PTPRN2: variants seen among roughly 807,000 people sequenced by gnomAD.
The protein encoded by PTPRN2 is protein tyrosine phosphatase receptor type N2, also known as receptor-type tyrosine-protein phosphatase N2.
PTPRN2 carries 74 observed loss-of-function variants against 118.8 expected under a neutral mutation model. The ratio of observed to expected loss-of-function variants is 0.62; its 90% CI spans 0.52 to 0.76. The LOEUF is 0.76. PTPRN2 is among the 30% of genes least tolerant of loss of function. The pLI is 0.00. For missense variants in PTPRN2, 1,481 were observed against 1,394.4 expected, an observed-to-expected ratio of 1.06 and a Z score of -0.99; for synonymous variants, 641 against 608.0, an observed-to-expected ratio of 1.05 and a Z score of -0.80.
chr7:157,574,021 C>T (rs899000115), intron 19 of PTPRN2, among the ~76,000 whole-genome samples: 4 of 152,124 alleles, frequency 2.6e-5, no homozygotes, highest in Admixed American at 6.5e-5. Flanking sequence ...AGGAAAACCA[C>T]GACATATTGA....
At chr7:158,146,731 A>T (rs556333453) in intron 6 of PTPRN2, among the ~76,000 whole-genome samples, 1 of 151,676 alleles carries the variant, frequency 6.6e-6, no homozygotes, top group East Asian at 1.9e-4. Context: ...AAAAAAAAAA[A>T]AAAAGAAAGA....
At chr7:158,357,619 G>A (rs748765628) in intron 2 of PTPRN2, among the ~76,000 whole-genome samples, 19 of 152,222 alleles carry the variant, frequency 1.2e-4, no homozygotes, top group African/African-American at 3.9e-4. Flanking sequence ...TAAGAAAAGC[G>A]GCAGGAGAGG....
At chr7:157,848,700 C>T (rs1809057933) in intron 12 of PTPRN2, among the ~76,000 whole-genome samples, 1 of 152,246 alleles carries the variant, frequency 6.6e-6, no homozygotes, top group Non-Finnish European at 1.5e-5. Flanking sequence ...CATGAAGGTT[C>T]TGTAAGCCAG....
intron 11 of PTPRN2, among the ~76,000 whole-genome samples, chr7:157,989,966 G>A (rs576731406): frequency 4.1e-4 from 62 of 152,168 alleles, no homozygotes; most frequent in African/African-American, 1.3e-3. Flanking sequence ...AAACTCTTCT[G>A]GGGGCTGCCA....
At chr7:158,500,826 GT>G (rs1292203017) in intron 1 of PTPRN2, among the ~76,000 whole-genome samples, 1 of 152,270 alleles carries the variant, frequency 6.6e-6, no homozygotes, top group Non-Finnish European at 1.5e-5. Flanking sequence ...GCGGGGCCCA[GT>G]CCCCGAGTTT....
intron 1 of PTPRN2, among the ~76,000 whole-genome samples, chr7:158,506,508 G>T (rs569539404): frequency 6.6e-6 from 1 of 152,054 alleles, no homozygotes; most frequent in African/African-American, 2.4e-5. Flanking sequence ...GCCACCTCCC[G>T]CCTAGCACCT....
At position 158,093,347 on chromosome 7, in the gene PTPRN2, G is replaced by A. The variant is rs1209070731; in HGVS notation, c.1644-11970C>T. Among the ~76,000 whole-genome samples, 2 of 149,384 alleles carry A rather than the reference G, an allele frequency of 1.3e-5. No homozygotes were observed. The highest frequency in any genetic ancestry group is 5.0e-5 in the African/African-American group (2 of 40,208). ...CCGTCCTTTCCTGACTCTGCCGCTG[G>A]ACCGACCCCCACACTGTGGACCCAC... On this transcript the variant is annotated intron_variant, in intron 10 of 22. Coordinates refer to ENST00000389418, the MANE Select transcript of PTPRN2 (RefSeq NM_002847.5). This position sits in a 1 kb window ranked among gnomAD's most constrained non-coding sequence, Gnocchi z 4.4.
chr7:158,356,863 T>G (rs745778040), intron 2 of PTPRN2, among the ~76,000 whole-genome samples: 4 of 151,938 alleles, frequency 2.6e-5, no homozygotes, highest in Non-Finnish European at 5.9e-5. Flanking sequence ...AGAAATGGAC[T>G]GACTGGGAGA....
rs558137825 is a variant in PTPRN2 at position 157,588,033 on chromosome 7, C to A, written c.2496+7205G>T. Among the ~76,000 whole-genome samples the A allele has an allele frequency of 7.1e-3, 1,077 of 151,190 alleles. 13 individuals are homozygous for A. Among genetic ancestry groups the A allele is most frequent in the African/African-American group, 0.025 (1,042 of 40,878 alleles). On this transcript the variant is annotated intron_variant, in intron 17 of 22. Coordinates refer to ENST00000389418, the MANE Select transcript of PTPRN2 (RefSeq NM_002847.5). Reference sequence around the variant, plus strand: ...CGCGGTGGCTGTCCCCGTGCCTGGGCTCCCGTGGTGGCTGTCCCTGTGCCT... The same window carrying A: ...CGCGGTGGCTGTCCCCGTGCCTGGGATCCCGTGGTGGCTGTCCCTGTGCCT...
In PTPRN2 at chr7:157,875,837, G is replaced by A. The variant is rs970415520; in HGVS notation, c.1788+22836C>T. Among the ~76,000 whole-genome samples the A allele has an allele frequency of 3.3e-5, 5 of 151,414 alleles. 1 individual carries two copies. The highest frequency in any genetic ancestry group is 6.6e-5 in the Admixed American group (1 of 15,248). ...GGGTCAGGAGGGGCCGAGCCCCCAG[G>A]CCAGGCGTCCCCAGGGCAGGCACGG... On this transcript the variant is annotated intron_variant, in intron 12 of 22. Transcript: ENST00000389418.
intron 2 of PTPRN2, among the ~76,000 whole-genome samples, chr7:158,428,350 G>C (rs1219014087): frequency 1.3e-5 from 2 of 152,178 alleles, no homozygotes; most frequent in Non-Finnish European, 1.5e-5. Flanking sequence ...GAGGGCGGCA[G>C]CAAGACCCTC....
At chr7:158,146,119 G>T (rs117440855) in intron 6 of PTPRN2, among the ~76,000 whole-genome samples, 1 of 151,922 alleles carries the variant, frequency 6.6e-6, no homozygotes, top group Admixed American at 6.6e-5. Context: ...AGAAGCTCTC[G>T]CCACAGCTCA....
chr7:157,774,883 G>A lies in PTPRN2; in HGVS notation c.1789-91946C>T, dbSNP rs77897896. 9.7e-3 allele frequency among the ~76,000 whole-genome samples: 1,483 copies of A among 152,282 alleles called. 69 individuals are homozygous for A. In the East Asian group the frequency reaches 0.11, roughly 11 times the overall value. On this transcript the variant is annotated intron_variant, in intron 12 of 22. Transcript: ENST00000389418. ...AGGAACCATGAGGACAAGTCAGAGT[G>A]GAGGTAAAAGGCCTGAAATAATAAC...
chr7:157,752,455 C>A (rs73744867), intron 12 of PTPRN2, among the ~76,000 whole-genome samples: 1,783 of 152,318 alleles, frequency 0.012, 33 homozygotes, highest in African/African-American at 0.04. Context: ...CAGGCCAGAG[C>A]TCCCCTGGGG....
rs78028556 is a variant in PTPRN2 at position 158,227,540 on chromosome 7, G to A, written c.278-22267C>T. On this transcript the variant is annotated intron_variant, in intron 3 of 22. Transcript: ENST00000389418. ...CCCCAGGTGGCGAGGAAGAAGTGTC[G>A]GGGAAAGGCGGTGGTCAGCACATTG... 7.5e-3 allele frequency among the ~76,000 whole-genome samples: 1,144 copies of A among 152,280 alleles called. 17 individuals carry two copies. Among genetic ancestry groups the A allele is most frequent in the African/African-American group, 0.026 (1,071 of 41,564 alleles).
chr7:158,162,385 G>A (rs996860507), intron 6 of PTPRN2, among the ~76,000 whole-genome samples: 5 of 152,122 alleles, frequency 3.3e-5, no homozygotes, highest in African/African-American at 1.2e-4. Flanking sequence ...TCTATACAAT[G>A]GAGTGTTATG....
Position 158,341,761 on chromosome 7 carries a change from A to G in PTPRN2, c.164-24829T>C, listed in dbSNP as rs201744723. On this transcript the variant is annotated intron_variant, in intron 2 of 22. Coordinates refer to ENST00000389418, the MANE Select transcript of PTPRN2 (RefSeq NM_002847.5). The stretch of plus-strand genomic sequence containing the variant: ...CGTCACTCACACCGACACTCTCACC[A>G]TAAGAGCTGACACCTGCAGACGTCA... 4.9e-3 allele frequency among the ~76,000 whole-genome samples: 506 copies of G among 103,572 alleles called. 1 individual carries two copies. The highest frequency in any genetic ancestry group is 7.8e-3 in the Non-Finnish European group (347 of 44,524). The allele number at this position is 103,572 out of a possible 152,430, so 67.9% of individuals were successfully genotyped here. A position where few individuals can be genotyped will look rare whatever the true frequency, so the allele number is the denominator to read the frequency against.
At chr7:158,497,496 C>T (rs1822038375) in intron 1 of PTPRN2, among the ~76,000 whole-genome samples, 1 of 152,048 alleles carries the variant, frequency 6.6e-6, no homozygotes, top group African/African-American at 2.4e-5. Flanking sequence ...TGGAGGTTGA[C>T]ACACATGGCT....
chr7:158,472,486 A>G (rs1280865548), intron 2 of PTPRN2, among the ~76,000 whole-genome samples: 3 of 152,214 alleles, frequency 2.0e-5, no homozygotes, highest in Non-Finnish European at 4.4e-5. Flanking sequence ...GCAGTGCACT[A>G]TTATTACTTT....
Sources: gnomAD v4.1 joint callset for allele counts (sites outside exome capture counted in the v4.1 genomes callset) on GRCh38, gnomAD v4.1.1 for gene constraint, Gnocchi (gnomAD v3.1) non-coding constraint, MANE v1.5 for transcripts, NCBI Gene and HGNC (gene_info 2026-07-23, HGNC 2026-07-21) for gene names.